PDE1A: variants seen among roughly 807,000 people sequenced by gnomAD.
PDE1A encodes the protein phosphodiesterase 1A, also known as dual specificity calcium/calmodulin-dependent 3',5'-cyclic nucleotide phosphodiesterase 1A.
PDE1A carries 35 observed loss-of-function variants against 61.7 expected under a neutral mutation model. The observed-to-expected ratio is 0.57, with a 90% CI of 0.43 to 0.75. The LOEUF is 0.75. Ranked by LOEUF, PDE1A falls within the 30% of genes least tolerant of loss-of-function variation. The pLI is 0.00. For missense variants in PDE1A, 597 were observed against 630.6 expected (o/e 0.95, Z 0.57); for synonymous variants, 232 against 213.2 (o/e 1.09, Z -0.77).
chr2:182,202,914 G>A (rs1181164796), intron 8 of PDE1A, among the ~76,000 whole-genome samples: 1 of 152,164 alleles, frequency 6.6e-6, no homozygotes, highest in Non-Finnish European at 1.5e-5. Context: ...GTGTGGTGTG[G>A]CCAGTAGGAT....
At chr2:182,499,926 G>C (rs1688989554) in intron 2 of PDE1A, among the ~76,000 whole-genome samples, 1 of 152,182 alleles carries the variant, frequency 6.6e-6, no homozygotes, top group African/African-American at 2.4e-5. Context: ...AGTCCCAGGG[G>C]ATGGCTGTGT....
intron 1 of PDE1A, among the ~76,000 whole-genome samples, chr2:182,298,328 G>A (rs1015503838): frequency 4.6e-5 from 7 of 152,160 alleles, no homozygotes; most frequent in African/African-American, 1.4e-4. Context: ...AGGGCAAGGT[G>A]CAAAGACCAA....
intron 2 of PDE1A, among the ~76,000 whole-genome samples, chr2:182,512,235 G>A (rs1559529556): frequency 1.3e-5 from 2 of 152,136 alleles, no homozygotes; most frequent in African/African-American, 2.4e-5. Context: ...AAACACCTCA[G>A]CCCCTCCAGT....
chr2:182,201,625 C>T (rs1686638808), intron 9 of PDE1A, 63 bp downstream of exon 9: 1 of 1,532,926 alleles, frequency 6.5e-7, no homozygotes. Flanking sequence ...TTTTCTGAGG[C>T]CAAGCCCCTG....
chr2:182,302,211 C>A (rs1309689681), intron 1 of PDE1A, among the ~76,000 whole-genome samples: 1 of 152,194 alleles, frequency 6.6e-6, no homozygotes, highest in Non-Finnish European at 1.5e-5. Flanking sequence ...ATCTCTTTAT[C>A]TGACTTTTTT....
chr2:182,581,521 A>T, the PDE1A span, among the ~76,000 whole-genome samples: 8 of 152,164 alleles, frequency 5.3e-5, no homozygotes, highest in African/African-American at 1.7e-4. Context: ...TAATTGGGAG[A>T]CCTGCACCCA....
chr2:182,201,497 T>G, exon 10 of PDE1A: 1 of 1,613,978 alleles, frequency 6.2e-7, no homozygotes, highest in Non-Finnish European at 8.5e-7. Context: ...CTTCCAGGAT[T>G]TGGCTGGGTG....
intron 1 of PDE1A, among the ~76,000 whole-genome samples, chr2:182,293,988 G>A (rs1396867796): frequency 6.6e-6 from 1 of 152,212 alleles, no homozygotes; most frequent in Non-Finnish European, 1.5e-5. Context: ...GATATTAGGA[G>A]CAGATGATAT....
intron 2 of PDE1A, among the ~76,000 whole-genome samples, chr2:182,457,704 A>G (rs181662218): frequency 1.5e-3 from 223 of 152,172 alleles, no homozygotes; most frequent in Middle Eastern, 3.4e-3. Flanking sequence ...AAGCATGTAC[A>G]GACAAGCAGT....
chr2:182,152,116 T>G (rs1271551192), intron 13 of PDE1A, among the ~76,000 whole-genome samples: 1 of 152,204 alleles, frequency 6.6e-6, no homozygotes, highest in Non-Finnish European at 1.5e-5. Context: ...TGCATTCTTA[T>G]TTTTTCATAA....
intron 2 of PDE1A, among the ~76,000 whole-genome samples, chr2:182,469,551 CA>C (rs1466194861): frequency 6.6e-6 from 1 of 151,950 alleles, no homozygotes; most frequent in Non-Finnish European, 1.5e-5. Context: ...TCCATATCAG[CA>C]ATAAGTCTGT....
At chr2:182,359,231 T>C (rs952205496) in intron 1 of PDE1A, among the ~76,000 whole-genome samples, 1 of 152,186 alleles carries the variant, frequency 6.6e-6, no homozygotes, top group African/African-American at 2.4e-5. Flanking sequence ...TTGAAACTGA[T>C]AATAACCAGA....
At chr2:182,170,371 A>T (rs970264681) in intron 13 of PDE1A, among the ~76,000 whole-genome samples, 3 of 152,126 alleles carry the variant, frequency 2.0e-5, no homozygotes, top group African/African-American at 7.2e-5. Flanking sequence ...ATTTAAAAAT[A>T]AAAATATCTG....
chr2:182,526,420 C>A (rs1690774360), upstream of PDE1A, among the ~76,000 whole-genome samples: 1 of 152,108 alleles, frequency 6.6e-6, no homozygotes, highest in South Asian at 2.1e-4. Context: ...GGGTTTGGGT[C>A]TGTACAGTAT....
At chr2:182,675,430 G>T in the PDE1A span, among the ~76,000 whole-genome samples, 6 of 152,274 alleles carry the variant, frequency 3.9e-5, no homozygotes, top group South Asian at 1.2e-3. Flanking sequence ...ACATGAATGT[G>T]TCTTATGGTA....
chr2:182,240,347 T>A, intron 2 of PDE1A, 55 bp from the exon 3 acceptor site: 1 of 1,147,082 alleles, frequency 8.7e-7, no homozygotes, highest in Non-Finnish European at 1.2e-6. Flanking sequence ...GAAAAACATA[T>A]AACAGAAAAA....
At chr2:182,564,720 A>G in the PDE1A span, among the ~76,000 whole-genome samples, 1 of 152,134 alleles carries the variant, frequency 6.6e-6, no homozygotes, top group Non-Finnish European at 1.5e-5. Context: ...CTTTTCACAT[A>G]GTCCCACATT....
At chr2:182,670,206 T>C in the PDE1A span, among the ~76,000 whole-genome samples, 65 of 152,276 alleles carry the variant, frequency 4.3e-4, no homozygotes, top group African/African-American at 1.5e-3. Context: ...AATCAAAAGG[T>C]ACTCAGGGGG....
intron 1 of PDE1A, among the ~76,000 whole-genome samples, chr2:182,328,139 A>C (rs1697166897): frequency 6.6e-6 from 1 of 152,196 alleles, no homozygotes; most frequent in Non-Finnish European, 1.5e-5. Flanking sequence ...ACTATATCTA[A>C]GAGTGACAGG....
Sources: gnomAD v4.1 joint callset for allele counts (sites outside exome capture counted in the v4.1 genomes callset) on GRCh38, gnomAD v4.1.1 for gene constraint, MANE v1.5 for transcripts, NCBI Gene and HGNC (gene_info 2026-07-23, HGNC 2026-07-21) for gene names.